The following NPRL3 variants were observed in gnomAD, a reference collection of about 807,000 sequenced individuals.
NPRL3 encodes GATOR1 complex protein NPRL3.
Under a neutral mutation model 57.2 loss-of-function variants are expected in NPRL3, and 23 were observed. The ratio of observed to expected loss-of-function variants is 0.40; its 90% CI spans 0.29 to 0.57. The LOEUF (loss-of-function observed/expected upper bound fraction) is 0.57, where lower values mean the gene tolerates loss of function less well. Ranked by LOEUF, NPRL3 falls within the 20% of genes least tolerant of loss-of-function variation. NPRL3 has a pLI of 0.42. For missense variants in NPRL3, 691 were observed against 767.1 expected, an observed-to-expected ratio of 0.90 and a Z score of 1.17; for synonymous variants, 333 against 321.1, an observed-to-expected ratio of 1.04 and a Z score of -0.39.
chr16:92,130 C>A, intron 11 of NPRL3, among the ~76,000 whole-genome samples: 1 of 152,168 alleles, frequency 6.6e-6, no homozygotes, highest in Admixed American at 6.5e-5. Context: ...AACTCATACC[C>A]ACAGACCCTG....
chr16:95,344 TATATATACACACACACACAC>T (rs1898950454), intron 9 of NPRL3, among the ~76,000 whole-genome samples: 1 of 59,328 alleles, frequency 1.7e-5, no homozygotes. Flanking sequence ...TATATATATA[TATATATACACACACACACAC>T]ACACACACAC....
intron 3 of NPRL3, among the ~76,000 whole-genome samples, chr16:126,500 C>G (rs1900525955): frequency 6.6e-6 from 1 of 151,490 alleles, no homozygotes; most frequent in South Asian, 2.1e-4. Flanking sequence ...TGAAAGAAAT[C>G]AGTTCTTCTC....
At chr16:89,928 G>T (rs1390874348) in intron 11 of NPRL3, 26 bp from the exon 12 acceptor site, 75 of 1,534,976 alleles carry the variant, frequency 4.9e-5, no homozygotes, top group Non-Finnish European at 6.5e-5. Context: ...GGTGAGGCTG[G>T]TCCCCCTCCC....
chr16:86,385 C>A lies in NPRL3; in HGVS notation c.*320G>T, dbSNP rs1426683437. 3.2e-5 allele frequency: 11 copies of A among 339,952 alleles called. No individual in the cohort carries two copies. Among genetic ancestry groups the A allele is most frequent in the Non-Finnish European group, 6.1e-5 (11 of 180,324 alleles). The allele number at this position is 339,952 out of a possible 1,614,324, so 21.1% of individuals were successfully genotyped here. A position where few individuals can be genotyped will look rare whatever the true frequency, so the allele number is the denominator to read the frequency against. On this transcript the variant is annotated 3_prime_UTR_variant, in exon 14 of 14. Transcript: ENST00000611875. Reference sequence around the variant, plus strand: ...AAGGAGGGTCTGAGAAACGCACAGCCCACATGGGCCTTGAAGGATGCGGCC... The same window carrying A: ...AAGGAGGGTCTGAGAAACGCACAGCACACATGGGCCTTGAAGGATGCGGCC...
At chr16:136,965 T>G (rs1013885928) in intron 2 of NPRL3, among the ~76,000 whole-genome samples, 5 of 150,744 alleles carry the variant, frequency 3.3e-5, no homozygotes, top group Non-Finnish European at 5.9e-5. Flanking sequence ...CCCAGTACTT[T>G]GGGAGGCCGA....
chr16:119,398 C>T, intron 3 of NPRL3, 143 bp from the exon 4 acceptor site: 1 of 763,110 alleles, frequency 1.3e-6, no homozygotes, highest in Admixed American at 2.5e-5. Flanking sequence ...AAGCTACTAA[C>T]AGTTGCCCTT....
intron 7 of NPRL3, among the ~76,000 whole-genome samples, chr16:108,291 A>C (rs1899620878): frequency 6.6e-6 from 1 of 152,228 alleles, no homozygotes; most frequent in Admixed American, 6.5e-5. Context: ...GAAGAGATGC[A>C]TCAGTGCATC....
At chr16:124,528 T>C (rs1900430108) in intron 3 of NPRL3, among the ~76,000 whole-genome samples, 1 of 152,052 alleles carries the variant, frequency 6.6e-6, no homozygotes, top group African/African-American at 2.4e-5. Context: ...GTAAAAGTTT[T>C]CTCATCTGCA....
Position 104,444 on chromosome 16 carries a change from T to C in NPRL3, c.630-3935A>G, listed in dbSNP as rs891400913. Reference sequence around the variant, plus strand: ...CAGGAACAAGTTCCAGCTATGGGTATGGAGAAATGAGGGCAGGAGGGTCAC... The same window carrying C: ...CAGGAACAAGTTCCAGCTATGGGTACGGAGAAATGAGGGCAGGAGGGTCAC... On this transcript the variant is annotated intron_variant, in intron 7 of 13. Transcript: ENST00000611875. 3.9e-5 allele frequency among the ~76,000 whole-genome samples: 6 copies of C among 152,152 alleles called. No homozygotes were observed. In the East Asian group the frequency reaches 1.2e-3, roughly 29 times the overall value.
intron 3 of NPRL3, among the ~76,000 whole-genome samples, chr16:128,531 G>A (rs557658412): frequency 8.5e-5 from 13 of 152,332 alleles, no homozygotes; most frequent in African/African-American, 2.6e-4. Flanking sequence ...CACTTTGGGA[G>A]GCCGAGGCTG....
chr16:95,325 GTATATATATA>G (rs780432969), intron 9 of NPRL3, among the ~76,000 whole-genome samples: 4 of 102,226 alleles, frequency 3.9e-5, no homozygotes, highest in African/African-American at 1.1e-4. Context: ...GTTTGTGTGT[GTATATATATA>G]TATATATATA....
chr16:127,845 G>C (rs879853942), intron 3 of NPRL3, among the ~76,000 whole-genome samples: 1 of 151,148 alleles, frequency 6.6e-6, no homozygotes, highest in East Asian at 1.9e-4. Flanking sequence ...TAGTAGAGAT[G>C]GGGTTTCACC....
chr16:92,857 T>C, intron 10 of NPRL3, 132 bp from the exon 11 acceptor site: 1 of 1,222,134 alleles, frequency 8.2e-7, no homozygotes. Context: ...CAGAACGGTA[T>C]GAGGCCAGGC....
chr16:133,782 C>T (rs1273859305), intron 2 of NPRL3, among the ~76,000 whole-genome samples: 8 of 152,182 alleles, frequency 5.3e-5, no homozygotes, highest in African/African-American at 1.7e-4. Flanking sequence ...CCTCAAGAAG[C>T]CTAATCATTT....
At chr16:106,628 T>TCA (rs1899540664) in intron 7 of NPRL3, among the ~76,000 whole-genome samples, 1 of 25,456 alleles carries the variant, frequency 3.9e-5, no homozygotes, top group South Asian at 1.6e-3. Flanking sequence ...CTGCCTTAAA[T>TCA]TAAAAAAAAA....
chr16:130,974 A>C (rs1363137881), intron 2 of NPRL3, among the ~76,000 whole-genome samples: 1 of 152,256 alleles, frequency 6.6e-6, no homozygotes, highest in East Asian at 1.9e-4. Flanking sequence ...GCACACTATA[A>C]TGAATGTAAT....
intron 9 of NPRL3, among the ~76,000 whole-genome samples, chr16:97,926 G>A (rs1899091447): frequency 6.6e-6 from 1 of 152,174 alleles, no homozygotes; most frequent in South Asian, 2.1e-4. Context: ...AGAAGAACAA[G>A]TCAGTCCCGT....
Position 110,603 on chromosome 16 carries a change from T to C in NPRL3, c.551A>G (p.Asn184Ser), listed in dbSNP as rs1305766338. Residue 184 changes from asparagine to serine, a missense_variant, in exon 7 of 14, where the codon AAT becomes AGT. By Grantham distance (46) the Asn-to-Ser change is conservative (BLOSUM62 1). Coordinates refer to ENST00000611875, the MANE Select transcript of NPRL3 (RefSeq NM_001077350.3). ...QDEVSAMADG[N>S]EGPQSPFHHI... ...ATGGAATGGGGACTGAGGACCTTCATTTCCTACAAGAATCACAACACAAGA... is the reference window on the plus strand; with the variant it reads ...ATGGAATGGGGACTGAGGACCTTCACTTCCTACAAGAATCACAACACAAGA... The C allele has an allele frequency of 3.7e-6, 6 of 1,607,630 alleles. No homozygotes were observed. Among genetic ancestry groups the C allele is most frequent in the Non-Finnish European group, 5.1e-6 (6 of 1,176,870 alleles).
At chr16:93,938 T>A (rs1018610466) in intron 9 of NPRL3, among the ~76,000 whole-genome samples, 4 of 152,100 alleles carry the variant, frequency 2.6e-5, no homozygotes, top group African/African-American at 9.7e-5. Context: ...TGACTCCCAC[T>A]GAAGAATGGT....
Sources: gnomAD v4.1 joint callset for allele counts (sites outside exome capture counted in the v4.1 genomes callset) on GRCh38, gnomAD v4.1.1 for gene constraint, MANE v1.5 for transcripts, NCBI Gene and HGNC (gene_info 2026-07-23, HGNC 2026-07-21) for gene names.